MED1: variants seen among roughly 807,000 people sequenced by gnomAD.
The protein encoded by MED1 is mediator complex subunit 1, also known as mediator of RNA polymerase II transcription subunit 1.
A neutral mutation model predicts 121.3 loss-of-function variants in MED1; 17 were observed. The ratio of observed to expected loss-of-function variants is 0.14; its 90% confidence interval spans 0.10 to 0.21. MED1 has a LOEUF of 0.21. Ranked by LOEUF, MED1 falls within the 10% of genes least tolerant of loss-of-function variation. MED1 has a pLI of 1.00. For missense variants in MED1, 1,558 were observed against 1,919.4 expected, an observed-to-expected ratio of 0.81 and a Z score of 3.52; for synonymous variants, 661 against 694.4, an observed-to-expected ratio of 0.95 and a Z score of 0.76.
In MED1 at chr17:39,409,726, T is replaced by C. The variant is rs779066024; in HGVS notation, c.2495A>G (p.Glu832Gly). Residue 832 changes from glutamate to glycine, a missense_variant, in exon 17 of 17, where the codon GAA (glutamate) becomes GGA (glycine). This residue lies in a region of MED1 where 793 missense variants were observed against 898.2 expected (regional missense o/e 0.88). Coordinates refer to ENST00000300651, the MANE Select transcript of MED1 (RefSeq NM_004774.4). ...DSDVFQTNNN[E>G]NPYTDPADLI... ...ATCAGCTGGATCAGTGTATGGATTTTCATTATTGTTAGTTTGAAAGACATC... is the reference window on the plus strand; with the variant it reads ...ATCAGCTGGATCAGTGTATGGATTTCCATTATTGTTAGTTTGAAAGACATC... 5.0e-6 allele frequency: 8 copies of C among 1,614,066 alleles called. No homozygotes were observed. Among genetic ancestry groups the C allele is most frequent in the Non-Finnish European group, 6.8e-6 (8 of 1,180,038 alleles).
intron 6 of MED1, among the ~76,000 whole-genome samples, chr17:39,437,968 A>T (rs1397523449): frequency 1.3e-5 from 2 of 151,858 alleles, no homozygotes; most frequent in Non-Finnish European, 2.9e-5. Context: ...AAAAAAACAG[A>T]AAAGGGGCCA....
intron 5 of MED1, among the ~76,000 whole-genome samples, chr17:39,439,742 A>G (rs1015817471): frequency 5.0e-4 from 76 of 152,116 alleles, no homozygotes; most frequent in African/African-American, 1.7e-3. Context: ...GCTGGAGACC[A>G]GCCTGGCCAA....
At position 39,410,384 on chromosome 17, in the gene MED1, T is replaced by A. The variant is rs764036300; in HGVS notation, c.1837A>T (p.Asn613Tyr). The A allele has an allele frequency of 1.4e-5, 23 of 1,614,062 alleles. No individual in the cohort carries two copies. The highest frequency in any genetic ancestry group is 1.9e-5 in the Non-Finnish European group (23 of 1,179,990). Reference sequence around the variant, plus strand: ...CTCGAGCCAATGGTAGACCCCCCGTTCCCTGTGATTTGCAACAAACTGGTA... The same window carrying A: ...CTCGAGCCAATGGTAGACCCCCCGTACCCTGTGATTTGCAACAAACTGGTA... The part of the protein sequence containing the change: ...ILTSLLQITG[N>Y]GGSTIGSSPT... Residue 613 changes from asparagine (N) to tyrosine (Y), a missense_variant, in exon 17 of 17, where the codon AAC becomes TAC. Asn to Tyr is a moderately radical substitution (Grantham distance 143, BLOSUM62 -2). Coordinates refer to ENST00000300651, the MANE Select transcript of MED1 (RefSeq NM_004774.4).
chr17:39,449,488 T>C (rs2048760737), intron 1 of MED1, among the ~76,000 whole-genome samples: 1 of 150,364 alleles, frequency 6.7e-6, no homozygotes, highest in African/African-American at 2.4e-5. Flanking sequence ...GCTAATTTTT[T>C]ATTTTATTTA....
intron 1 of MED1, among the ~76,000 whole-genome samples, chr17:39,450,122 A>T (rs201907772): frequency 6.6e-6 from 1 of 150,850 alleles, no homozygotes; most frequent in African/African-American, 2.4e-5. Flanking sequence ...CAATTTTTTT[A>T]TTTTTTTTGT....
chr17:39,416,812 A>C (rs4795358), intron 14 of MED1, among the ~76,000 whole-genome samples: 119,539 of 152,072 alleles, frequency 0.79, 47,502 homozygotes, highest in South Asian at 0.92. Context: ...ATGGCAAGAC[A>C]CCATCTCTAC....
chr17:39,407,197 A>G lies in MED1; in HGVS notation c.*278T>C. On this transcript the variant is annotated 3_prime_UTR_variant, in exon 17 of 17. Transcript: ENST00000300651. The stretch of plus-strand genomic sequence containing the variant: ...GTTTCCCTCCCTTCCCTCTCCCTAC[A>G]CCCCTCCCACCCCCCTCCCTTTCTT... 1 of 704,762 alleles carries G rather than the reference A, an allele frequency of 1.4e-6. No homozygotes were observed. The highest frequency in any genetic ancestry group is 6.8e-5 in the South Asian group (1 of 14,736). The allele number at this position is 704,762 out of a possible 1,614,324, so 43.7% of individuals were successfully genotyped here. A position where few individuals can be genotyped will look rare whatever the true frequency, so the allele number is the denominator to read the frequency against.
intron 14 of MED1, among the ~76,000 whole-genome samples, chr17:39,417,279 A>C (rs569282748): frequency 6.6e-6 from 1 of 151,772 alleles, no homozygotes; most frequent in Non-Finnish European, 1.5e-5. Flanking sequence ...GCAGTGAGTG[A>C]AGATCACACC....
At chr17:39,450,575 CG>C (rs1374062888) in intron 1 of MED1, among the ~76,000 whole-genome samples, 1 of 152,112 alleles carries the variant, frequency 6.6e-6, no homozygotes, top group Non-Finnish European at 1.5e-5. Context: ...AATAAAAGAA[CG>C]AAATTCAGCG....
Position 39,408,144 on chromosome 17 carries a change from A to G in MED1, c.4077T>C (p.Asp1359=). The G allele has an allele frequency of 6.2e-7, 1 of 1,613,988 alleles. No homozygotes were observed. The highest frequency in any genetic ancestry group is 8.5e-7 in the Non-Finnish European group (1 of 1,180,022). ...GEFQGKREKS[D]KDKSKVSTSG... is the part of the protein sequence containing the mutation. ...AGGTGGAAACCTTTGATTTGTCTTT[A>G]TCACTTTTCTCACGCTTGCCCTGAA... The change falls in exon 17 of 17, where the codon GAT becomes GAC. Residue 1359 remains aspartate, a synonymous_variant. Transcript: ENST00000300651. This position sits in a 1 kb window ranked among gnomAD's most constrained non-coding sequence, Gnocchi z 4.7.
intron 2 of MED1, among the ~76,000 whole-genome samples, chr17:39,445,911 A>G (rs181616311): frequency 2.6e-5 from 4 of 151,686 alleles, no homozygotes; most frequent in Admixed American, 2.0e-4. Flanking sequence ...TGCCTGTAAT[A>G]CCAGCTACTC....
chr17:39,433,298 G>A (rs2048584926), intron 7 of MED1, among the ~76,000 whole-genome samples: 1 of 151,822 alleles, frequency 6.6e-6, no homozygotes, highest in African/African-American at 2.4e-5. Context: ...GAACCCGGGA[G>A]GTGGAGGCTG....
intron 12 of MED1, 34 bp from the exon 13 acceptor site, chr17:39,423,479 TA>T: frequency 6.4e-7 from 1 of 1,553,808 alleles, no homozygotes; most frequent in South Asian, 1.1e-5. Context: ...ATGATCATGT[TA>T]AGATGAAAAC....
chr17:39,449,749 A>G (rs2144780757), intron 1 of MED1, among the ~76,000 whole-genome samples: 1 of 147,266 alleles, frequency 6.8e-6, no homozygotes, highest in African/African-American at 2.5e-5. Flanking sequence ...ACCTCAGGTG[A>G]TCCGCCCACC....
Position 39,408,048 on chromosome 17 carries a change from T to C in MED1, c.4173A>G (p.Lys1391=). The change falls in exon 17 of 17, where the codon AAA becomes AAG. Residue 1391 remains lysine (K), a synonymous_variant. Transcript: ENST00000300651. The surrounding 1 kb of genome is among the most constrained non-coding windows in gnomAD (Gnocchi z 4.7). ...SKNVGSTGVA[K]IIISKHDGGS... ...CTCCATCATGCTTACTGATGATAAT[T>C]TTTGCCACACCTGTGCTCCCCACAT... 1 of 1,614,186 alleles carries C rather than the reference T, an allele frequency of 6.2e-7. No homozygotes were observed. Among genetic ancestry groups the C allele is most frequent in the Non-Finnish European group, 8.5e-7 (1 of 1,180,040 alleles).
rs758752513 is a variant in MED1 at position 39,408,759 on chromosome 17, G to A, written c.3462C>T (p.Gly1154=). ...GTCCATGCTTGGTTATGGGAGAGGAGCCTGGCTTCCCCCCAGACTGGGATG... is the reference window on the plus strand; with the variant it reads ...GTCCATGCTTGGTTATGGGAGAGGAACCTGGCTTCCCCCCAGACTGGGATG... ...KNSSQSGGKP[G]SSPITKHGLS... is the part of the protein sequence containing the mutation. Residue 1154 remains glycine (G), a synonymous_variant, in exon 17 of 17, where the codon GGC becomes GGT. Coordinates refer to ENST00000300651, the MANE Select transcript of MED1 (RefSeq NM_004774.4). This position sits in a 1 kb window ranked among gnomAD's most constrained non-coding sequence, Gnocchi z 4.7. 6.2e-7 allele frequency: 1 copy of A among 1,614,182 alleles called. No homozygotes were observed. The highest frequency in any genetic ancestry group is 8.5e-7 in the Non-Finnish European group (1 of 1,180,010).
Position 39,406,313 on chromosome 17 carries a change from T to A in MED1, c.*1162A>T. On this transcript the variant is annotated 3_prime_UTR_variant, in exon 17 of 17. Coordinates refer to ENST00000300651, the MANE Select transcript of MED1 (RefSeq NM_004774.4). Reference sequence around the variant, plus strand: ...TTTTACTGTTTTATCTCAGGGAGCATACAGTGGAGTGATTAAAGTTTGGAC... The same window carrying A: ...TTTTACTGTTTTATCTCAGGGAGCAAACAGTGGAGTGATTAAAGTTTGGAC... The A allele has an allele frequency of 4.1e-6, 4 of 985,544 alleles. No homozygotes were observed. Among genetic ancestry groups the A allele is most frequent in the Non-Finnish European group, 4.8e-6 (4 of 829,926 alleles). 61.0% of individuals were successfully genotyped at this position (985,544 alleles called of 1,614,324 possible).
At position 39,419,808 on chromosome 17, in the gene MED1, G is replaced by A; in HGVS notation, c.1206C>T (p.Gly402=). ...TCAGATTTAGGATAAGAGGAACTCGGCCAGGGTGCTGAAAGGTGATTTTGC... is the reference window on the plus strand; with the variant it reads ...TCAGATTTAGGATAAGAGGAACTCGACCAGGGTGCTGAAAGGTGATTTTGC... The part of the protein sequence containing the change: ...LVSKITFQHP[G]RVPLILNLIR... Residue 402 remains glycine, a synonymous_variant, in exon 14 of 17, where the codon GGC becomes GGT. Coordinates refer to ENST00000300651, the MANE Select transcript of MED1 (RefSeq NM_004774.4). 1.2e-6 allele frequency: 2 copies of A among 1,614,026 alleles called. No individual in the cohort carries two copies. The highest frequency in any genetic ancestry group is 1.7e-6 in the Non-Finnish European group (2 of 1,179,940).
chr17:39,426,542 A>T (rs1292256840), intron 10 of MED1, among the ~76,000 whole-genome samples: 1 of 152,064 alleles, frequency 6.6e-6, no homozygotes, highest in Non-Finnish European at 1.5e-5. Context: ...AGTCCATTTC[A>T]CTTTTTTTTG....
Sources: gnomAD v4.1 joint callset for allele counts (sites outside exome capture counted in the v4.1 genomes callset) on GRCh38, gnomAD v4.1.1 for gene constraint, gnomAD v4.1.1 regional missense constraint, Gnocchi (gnomAD v3.1) non-coding constraint, MANE v1.5 for transcripts, NCBI Gene and HGNC (gene_info 2026-07-23, HGNC 2026-07-21) for gene names.